Variants in TGM7 observed in about 807,000 individuals in gnomAD.
The protein encoded by TGM7 is protein-glutamine gamma-glutamyltransferase Z.
Under a neutral mutation model 79.5 loss-of-function variants are expected in TGM7, and 74 were observed. The ratio of observed to expected loss-of-function variants is 0.93; its 90% CI spans 0.77 to 1.13. The LOEUF (loss-of-function observed/expected upper bound fraction) is 1.13, where lower values mean the gene tolerates loss of function less well. Ranked by LOEUF, TGM7 falls within the 50% of genes most tolerant of loss-of-function variation. The pLI is 0.00. For synonymous variants in TGM7, 354 were observed against 362.5 expected (o/e 0.98, Z 0.27); for missense variants, 912 against 905.9 (o/e 1.01, Z -0.09).
At position 43,276,583 on chromosome 15, in the gene TGM7, G is replaced by C; in HGVS notation, c.2005C>G (p.Gln669Glu). 1 of 1,614,052 alleles carries C rather than the reference G, an allele frequency of 6.2e-7. No individual in the cohort carries two copies. The highest frequency in any genetic ancestry group is 1.7e-4 in the Middle Eastern group (1 of 6,056). ...LGTLVAGHTL[Q>E]IQLDLYPTKA... is the part of the protein sequence containing the mutation. The stretch of plus-strand genomic sequence containing the variant: ...GTCGGGTAGAGGTCCAGTTGAATTT[G>C]GAGGGTGTGTCCGGCCACCAGAGTC... The change falls in exon 13 of 13, where the codon CAA becomes GAA. Residue 669 changes from glutamine (Q) to glutamate (E), a missense_variant. Coordinates refer to ENST00000452443, the MANE Select transcript of TGM7 (RefSeq NM_052955.3).
intron 2 of TGM7, 118 bp downstream of exon 2, chr15:43,293,331 C>A: frequency 7.5e-7 from 1 of 1,334,926 alleles, no homozygotes; most frequent in Non-Finnish European, 1.0e-6. Flanking sequence ...GTCTGGGGCT[C>A]CCAGGACAAG....
At position 43,302,129 on chromosome 15, in the gene TGM7, A is replaced by G; in HGVS notation, c.10+112T>C. 3.2e-6 allele frequency: 4 copies of G among 1,267,868 alleles called. 1 individual carries two copies. In the South Asian group the frequency reaches 4.8e-5, roughly 15 times the overall value. The allele number at this position is 1,267,868 out of a possible 1,614,324, so 78.5% of individuals were successfully genotyped here. ...GAGCCGTATTGCACAATGAACTACC[A>G]ATCATCAATCCAGGCTCTCCTGTCG... On this transcript the variant is annotated intron_variant, in intron 1 of 12. Transcript: ENST00000452443.
intron 1 of TGM7, among the ~76,000 whole-genome samples, chr15:43,295,682 A>G (rs537763082): frequency 6.6e-6 from 1 of 152,392 alleles, no homozygotes; most frequent in African/African-American, 2.4e-5. Flanking sequence ...AGTCAATGTT[A>G]ATTTCCTTCA....
At chr15:43,285,398 T>G (rs577523984) in intron 6 of TGM7, among the ~76,000 whole-genome samples, 1 of 152,242 alleles carries the variant, frequency 6.6e-6, no homozygotes, top group Admixed American at 6.5e-5. Flanking sequence ...TAGCTGGGTG[T>G]GGTGGTGCAT....
intron 1 of TGM7, among the ~76,000 whole-genome samples, chr15:43,297,244 A>G (rs909554247): frequency 6.6e-6 from 1 of 152,032 alleles, no homozygotes; most frequent in African/African-American, 2.4e-5. Flanking sequence ...TCACGAGCTC[A>G]GGAGTTCGAG....
intron 1 of TGM7, among the ~76,000 whole-genome samples, chr15:43,296,163 C>T (rs2042991008): frequency 6.6e-6 from 1 of 152,294 alleles, no homozygotes; most frequent in African/African-American, 2.4e-5. Context: ...AGGTGGCTCA[C>T]GCCTGTAATC....
Position 43,281,940 on chromosome 15 carries a change from C to G in TGM7, c.1255G>C (p.Ala419Pro), listed in dbSNP as rs756276715. Residue 419 changes from alanine (A) to proline (P), a missense_variant, in exon 9 of 13, where the codon GCC becomes CCC. Transcript: ENST00000452443. ...LGDGQAQEIL[A>P]HNTSSIGKEI... ...TTCCCGATGGAACTGGTGTTGTGGG[C>G]CAGGATTTCCTGGGCCTGGCCATCC... 5.1e-5 allele frequency: 83 copies of G among 1,614,074 alleles called. No individual in the cohort carries two copies. The highest frequency in any genetic ancestry group is 6.9e-5 in the Non-Finnish European group (81 of 1,180,036).
At chr15:43,300,321 G>A (rs2043019548) in intron 1 of TGM7, among the ~76,000 whole-genome samples, 1 of 152,200 alleles carries the variant, frequency 6.6e-6, no homozygotes, top group African/African-American at 2.4e-5. Flanking sequence ...CAGATAAGTA[G>A]GAAGATGATA....
intron 11 of TGM7, among the ~76,000 whole-genome samples, chr15:43,277,268 T>C (rs2042883037): frequency 6.6e-6 from 1 of 152,230 alleles, no homozygotes; most frequent in Admixed American, 6.5e-5. Context: ...TAGTTCAAGA[T>C]GTCCACAAGA....
intron 1 of TGM7, among the ~76,000 whole-genome samples, chr15:43,294,011 C>T (rs1271109043): frequency 6.6e-6 from 1 of 151,784 alleles, no homozygotes. Flanking sequence ...GGATTGGGGT[C>T]CCCAAAAGGG....
intron 1 of TGM7, among the ~76,000 whole-genome samples, chr15:43,301,630 A>G (rs914381208): frequency 6.2e-5 from 3 of 48,026 alleles, no homozygotes; most frequent in Non-Finnish European, 9.9e-5. Flanking sequence ...ACTCCATCTC[A>G]AAAAAAAAAA....
chr15:43,284,879 C>T lies in TGM7; in HGVS notation c.939G>A (p.Leu313=), dbSNP rs1182975344. ...FRSAHNVDRN[L]TIDTYYDRNA... ...TTCGGTCATAGTACGTATCGATGGT[C>T]AAGTTCCTATCCACGTTGTGCGCGG... is the stretch of plus-strand genomic sequence containing the variant. The change falls in exon 7 of 13, where the codon TTG becomes TTA. Residue 313 remains leucine, a synonymous_variant. Transcript: ENST00000452443. 9.3e-6 allele frequency: 15 copies of T among 1,614,172 alleles called. No individual in the cohort carries two copies. The highest frequency in any genetic ancestry group is 1.3e-5 in the Non-Finnish European group (15 of 1,180,024).
chr15:43,298,866 A>G (rs2043013042), intron 1 of TGM7, among the ~76,000 whole-genome samples: 1 of 152,222 alleles, frequency 6.6e-6, no homozygotes, highest in South Asian at 2.1e-4. Context: ...ATTTGTGTAC[A>G]AAACTTAAGC....
Position 43,276,381 on chromosome 15 carries a change from A to G in TGM7, c.*74T>C. On this transcript the variant is annotated 3_prime_UTR_variant, in exon 13 of 13. Transcript: ENST00000452443. ...CTAGAGAGAGGACAGAGGTGGAGCCAAGACGACATAGCCAGGAGTAGAAAG... is the reference window on the plus strand; with the variant it reads ...CTAGAGAGAGGACAGAGGTGGAGCCGAGACGACATAGCCAGGAGTAGAAAG... 6.5e-7 allele frequency: 1 copy of G among 1,533,704 alleles called. No homozygotes were observed. Among genetic ancestry groups the G allele is most frequent in the Admixed American group, 2.0e-5 (1 of 50,640 alleles).
At chr15:43,289,459 A>T (rs1162166610) in intron 4 of TGM7, among the ~76,000 whole-genome samples, 1 of 152,084 alleles carries the variant, frequency 6.6e-6, no homozygotes. Context: ...AATCCAGTCT[A>T]TCATTGTTGG....
At chr15:43,277,716 T>C (rs1415594280) in intron 11 of TGM7, among the ~76,000 whole-genome samples, 1 of 152,134 alleles carries the variant, frequency 6.6e-6, no homozygotes, top group East Asian at 1.9e-4. Context: ...GGCCAGATGA[T>C]GGATATCAGT....
chr15:43,289,770 G>C lies in TGM7; in HGVS notation c.559-2101C>G, dbSNP rs1181127057. Among the ~76,000 whole-genome samples the C allele has an allele frequency of 2.6e-5, 4 of 152,090 alleles. No individual in the cohort carries two copies. In the South Asian group the frequency reaches 8.3e-4, roughly 32 times the overall value. On this transcript the variant is annotated intron_variant, in intron 4 of 12. Transcript: ENST00000452443. ...TGATCGCCATTCTAACTGGTGTGAG[G>C]TGGTATCTCATTGTGGTTTTGATTT...
At chr15:43,301,959 CT>C in intron 1 of TGM7, 1 of 506,264 alleles carries the variant, frequency 2.0e-6, no homozygotes, top group Non-Finnish European at 3.6e-6. Flanking sequence ...GGGCCAAGCT[CT>C]TTTTGGGGCT....
Position 43,276,451 on chromosome 15 carries a change from G to A in TGM7, c.*4C>T. 1.2e-6 allele frequency: 2 copies of A among 1,610,422 alleles called. No homozygotes were observed. Among genetic ancestry groups the A allele is most frequent in the Admixed American group, 1.7e-5 (1 of 59,612 alleles). ...TGCCAGGGAGGGCAGCTGGAGGGCGGGTCTCAGGGAGCCCCAGCCACAGTG... is the reference window on the plus strand; with the variant it reads ...TGCCAGGGAGGGCAGCTGGAGGGCGAGTCTCAGGGAGCCCCAGCCACAGTG... On this transcript the variant is annotated 3_prime_UTR_variant, in exon 13 of 13. Transcript: ENST00000452443.
Sources: allele counts gnomAD v4.1 joint callset (sites outside exome capture counted in the v4.1 genomes callset), GRCh38; gene constraint gnomAD v4.1.1; transcripts MANE v1.5; gene names NCBI Gene and HGNC (gene_info 2026-07-23, HGNC 2026-07-21).